Variants in MTIF2 observed in about 807,000 individuals in gnomAD.
The protein encoded by MTIF2 is mitochondrial translational initiation factor 2, also known as translation initiation factor IF-2, mitochondrial.
Under a neutral mutation model 83.5 loss-of-function variants are expected in MTIF2, and 71 were observed. That is an observed-to-expected ratio of 0.85 (90% confidence interval 0.70 to 1.04). MTIF2 has a LOEUF of 1.04. MTIF2 is among the 50% of genes least tolerant of loss of function. MTIF2 has a pLI of 0.00. For synonymous variants in MTIF2, 319 were observed against 287.1 expected, an observed-to-expected ratio of 1.11 and a Z score of -1.12; for missense variants, 957 against 846.5, an observed-to-expected ratio of 1.13 and a Z score of -1.62.
intron 15 of MTIF2, 121 bp from the exon 16 acceptor site, chr2:55,236,941 C>G: frequency 1.2e-6 from 1 of 849,514 alleles, no homozygotes; most frequent in Non-Finnish European, 1.7e-6. Context: ...ATGGTCTTGT[C>G]AAGTTAAATG....
intron 5 of MTIF2, among the ~76,000 whole-genome samples, chr2:55,259,013 A>G (rs1677758795): frequency 6.6e-6 from 1 of 152,134 alleles, no homozygotes; most frequent in South Asian, 2.1e-4. Flanking sequence ...TCTATTTCTA[A>G]TAATGGTAAC....
intron 6 of MTIF2, 113 bp downstream of exon 6, chr2:55,254,541 C>A: frequency 1.1e-6 from 1 of 871,652 alleles, no homozygotes; most frequent in Non-Finnish European, 1.7e-6. Flanking sequence ...GAAGTTTATA[C>A]ACACATATCT....
Position 55,254,763 on chromosome 2 carries a change from G to A in MTIF2, c.394C>T (p.His132Tyr). The change falls in exon 6 of 16, where the codon CAT (histidine) becomes TAT (tyrosine). Residue 132 changes from histidine (H) to tyrosine (Y), a missense_variant. By Grantham distance (83) the His-to-Tyr change is moderately conservative (BLOSUM62 2). Around this residue, in one of 3 missense-constraint regions of MTIF2, gnomAD observed 733 missense variants for 648.7 expected, o/e 1.13. Transcript: ENST00000263629. Reference protein sequence around the residue: ...IDIDSLEADSHLDEVWIKEVI... With the variant: ...IDIDSLEADSYLDEVWIKEVI... ...TCTTTGATCCAGACTTCATCTAAAT[G>A]TGAGTCTGCTTCCAGTGAATCTATG... 3 of 1,609,758 alleles carry A rather than the reference G, an allele frequency of 1.9e-6. No individual in the cohort carries two copies. Among genetic ancestry groups the A allele is most frequent in the East Asian group, 2.2e-5 (1 of 44,564 alleles).
chr2:55,239,927 C>T lies in MTIF2; in HGVS notation c.1870+84G>A, dbSNP rs1676174870. On this transcript the variant is annotated intron_variant, in intron 14 of 15. Coordinates refer to ENST00000263629, the MANE Select transcript of MTIF2 (RefSeq NM_002453.3). ...AGGATATATCTTTCAACATTGAAAA[C>T]GTTTCCTCTAAGCTTTGCTTTGAAG... is the stretch of plus-strand genomic sequence containing the variant. The T allele has an allele frequency of 3.3e-6, 4 of 1,201,502 alleles. No individual in the cohort carries two copies. In the Admixed American group the frequency reaches 8.1e-5, roughly 24 times the overall value. The allele number at this position is 1,201,502 out of a possible 1,614,324, so 74.4% of individuals were successfully genotyped here.
intron 4 of MTIF2, 31 bp downstream of exon 4, chr2:55,263,609 C>CAA (rs748533572): frequency 1.0e-3 from 1,316 of 1,307,532 alleles, no homozygotes; most frequent in Non-Finnish European, 1.1e-3. Context: ...GACTCCATCT[C>CAA]AAAAAAAAAA....
chr2:55,251,002 C>T (rs375428447), intron 8 of MTIF2, among the ~76,000 whole-genome samples: 11 of 146,796 alleles, frequency 7.5e-5, no homozygotes, highest in Admixed American at 3.5e-4. Context: ...CCCAGCTATT[C>T]GGGAGGCTGA....
At chr2:55,238,195 A>G (rs1338995842) in intron 14 of MTIF2, among the ~76,000 whole-genome samples, 1 of 142,862 alleles carries the variant, frequency 7.0e-6, no homozygotes, top group African/African-American at 2.6e-5. Context: ...CATGCCCACT[A>G]ATTTTTTTAT....
intron 5 of MTIF2, among the ~76,000 whole-genome samples, chr2:55,257,063 G>A (rs1558574465): frequency 6.6e-6 from 1 of 152,174 alleles, no homozygotes. Flanking sequence ...AATGTGCTTT[G>A]TTTTAATCTC....
intron 8 of MTIF2, among the ~76,000 whole-genome samples, chr2:55,250,667 A>G (rs1390556755): frequency 2.0e-5 from 3 of 152,208 alleles, no homozygotes; most frequent in East Asian, 1.9e-4. Flanking sequence ...TCTACTTACT[A>G]TCACTAGACA....
intron 7 of MTIF2, 78 bp from the exon 8 acceptor site, chr2:55,252,731 T>C (rs755678031): frequency 2.2e-6 from 2 of 922,526 alleles, no homozygotes; most frequent in Non-Finnish European, 3.2e-6. Context: ...TGCGACATTA[T>C]CAGAAACCAT....
rs151189093 is a variant in MTIF2 at position 55,263,871 on chromosome 2, G to GAAA, written c.-7-9_-7-7dup. The stretch of plus-strand genomic sequence containing the variant: ...GCTTCTGGTTCATGTTTCTCCTGGG[G>GAAA]AAAAAAAAAAGGTTTTAAAATAATA... On this transcript the variant is annotated splice_region_variant and splice_polypyrimidine_tract_variant and intron_variant, in intron 3 of 15. Transcript: ENST00000263629. The GAAA allele has an allele frequency of 6.9e-7, 1 of 1,441,524 alleles. No homozygotes were observed. The highest frequency in any genetic ancestry group is 9.4e-7 in the Non-Finnish European group (1 of 1,062,070). 89.3% of individuals were successfully genotyped at this position (1,441,524 alleles called of 1,614,324 possible). A position where few individuals can be genotyped will look rare whatever the true frequency, so the allele number is the denominator to read the frequency against.
intron 10 of MTIF2, among the ~76,000 whole-genome samples, chr2:55,245,827 C>A (rs930006050): frequency 1.6e-4 from 24 of 152,078 alleles, no homozygotes; most frequent in Non-Finnish European, 3.1e-4. Context: ...GAATCTTAAC[C>A]CACTTTCTAT....
At chr2:55,259,628 A>G (rs13000786) in intron 5 of MTIF2, among the ~76,000 whole-genome samples, 7,025 of 152,260 alleles carry the variant, frequency 0.046, 193 homozygotes, top group South Asian at 0.062. Flanking sequence ...TTCTGCTACC[A>G]TATTTGTCTG....
At position 55,237,358 on chromosome 2, in the gene MTIF2, T is replaced by G. The variant is rs1361532728; in HGVS notation, c.1941A>C (p.Arg647Ser). Residue 647 changes from arginine (R) to serine (S), a missense_variant, in exon 15 of 16, where the codon AGA becomes AGC. Physicochemically the swap from Arg to Ser is moderately radical, Grantham distance 110. Coordinates refer to ENST00000263629, the MANE Select transcript of MTIF2 (RefSeq NM_002453.3). ...GKKKVPVAGCRVQKGQLEKQK... is the reference protein window; with the variant it reads ...GKKKVPVAGCSVQKGQLEKQK... ...GTTTTTCTAACTGTCCCTTTTGGAC[T>G]CTGCAGCCAGCCACAGGAACTTTTT... 1 of 1,613,108 alleles carries G rather than the reference T, an allele frequency of 6.2e-7. No individual in the cohort carries two copies. The highest frequency in any genetic ancestry group is 1.1e-5 in the South Asian group (1 of 91,032).
chr2:55,257,437 C>T (rs1677634305), intron 5 of MTIF2, among the ~76,000 whole-genome samples: 1 of 152,010 alleles, frequency 6.6e-6, no homozygotes, highest in Non-Finnish European at 1.5e-5. Context: ...GCTGAGACTG[C>T]GCCACTGCAC....
intron 12 of MTIF2, 127 bp downstream of exon 12, chr2:55,243,289 G>A (rs1676455942): frequency 4.5e-6 from 5 of 1,121,156 alleles, no homozygotes; most frequent in Non-Finnish European, 6.2e-6. Context: ...CAAGAAATAT[G>A]TTGACTAAGA....
intron 5 of MTIF2, among the ~76,000 whole-genome samples, chr2:55,259,454 G>T (rs1009737758): frequency 6.7e-6 from 1 of 148,944 alleles, no homozygotes; most frequent in Non-Finnish European, 1.5e-5. Flanking sequence ...TCATAATAAA[G>T]AATTATGGTT....
Position 55,254,699 on chromosome 2 carries a change from T to C in MTIF2, c.458A>G (p.Lys153Arg). Residue 153 changes from lysine to arginine, a missense_variant, in exon 6 of 16, where the codon AAA (lysine) becomes AGA (arginine). Lys to Arg is a conservative substitution (Grantham distance 26). Coordinates refer to ENST00000263629, the MANE Select transcript of MTIF2 (RefSeq NM_002453.3). ...TKAGMKLKWS[K>R]LKQDKVRKNK... ...TTTTCTGACTTTGTCCTGTTTTAAT[T>C]TACTCCACTTTAACTTCATCCCTGC... 1 of 1,609,050 alleles carries C rather than the reference T, an allele frequency of 6.2e-7. No homozygotes were observed. Among genetic ancestry groups the C allele is most frequent in the Non-Finnish European group, 8.5e-7 (1 of 1,178,088 alleles).
intron 12 of MTIF2, 76 bp from the exon 13 acceptor site, chr2:55,243,156 T>C: frequency 1.4e-6 from 2 of 1,404,186 alleles, no homozygotes; most frequent in Non-Finnish European, 1.9e-6. Context: ...CAATAATCTA[T>C]TTAAAGCCAT....
Sources: gnomAD v4.1 joint callset for allele counts (sites outside exome capture counted in the v4.1 genomes callset) on GRCh38, gnomAD v4.1.1 for gene constraint, gnomAD v4.1.1 regional missense constraint, MANE v1.5 for transcripts, NCBI Gene and HGNC (gene_info 2026-07-23, HGNC 2026-07-21) for gene names.